The following NEDD9 variants were observed in gnomAD, a reference collection of about 807,000 sequenced individuals.
NEDD9 encodes enhancer of filamentation 1.
A neutral mutation model predicts 76.6 loss-of-function variants in NEDD9; 26 were observed. The ratio of observed to expected loss-of-function variants is 0.34; its 90% CI spans 0.25 to 0.47. The LOEUF (loss-of-function observed/expected upper bound fraction) is 0.47, where lower values mean the gene tolerates loss of function less well. Ranked by LOEUF, NEDD9 falls within the 20% of genes least tolerant of loss-of-function variation. NEDD9 has a pLI of 1.00. For missense variants in NEDD9, 937 were observed against 1,058.5 expected, an observed-to-expected ratio of 0.89 and a Z score of 1.59; for synonymous variants, 392 against 414.2, an observed-to-expected ratio of 0.95 and a Z score of 0.65.
intron 1 of NEDD9, among the ~76,000 whole-genome samples, chr6:11,362,549 T>C (rs1447226177): frequency 6.6e-6 from 1 of 152,244 alleles, no homozygotes; most frequent in Non-Finnish European, 1.5e-5. Context: ...ATAGATGCCA[T>C]TATTTGTTCT....
intron 1 of NEDD9, among the ~76,000 whole-genome samples, chr6:11,337,525 G>C (rs1156964130): frequency 6.6e-6 from 1 of 152,146 alleles, no homozygotes; most frequent in African/African-American, 2.4e-5. Context: ...TAGGTGATAG[G>C]AAATTTTCAG....
intron 2 of NEDD9, among the ~76,000 whole-genome samples, chr6:11,307,417 C>T (rs1046885816): frequency 1.3e-5 from 2 of 152,168 alleles, no homozygotes; most frequent in African/African-American, 4.8e-5. Flanking sequence ...ATTTGCTCTG[C>T]CTGAACCCAT....
chr6:11,330,155 A>T (rs772348653), intron 2 of NEDD9, among the ~76,000 whole-genome samples: 3 of 152,230 alleles, frequency 2.0e-5, no homozygotes, highest in Non-Finnish European at 4.4e-5. Context: ...CTACTCTGTT[A>T]GGCAGCACGA....
At chr6:11,331,396 A>G (rs1296312920) in intron 2 of NEDD9, among the ~76,000 whole-genome samples, 1 of 151,094 alleles carries the variant, frequency 6.6e-6, no homozygotes, top group East Asian at 2.0e-4. Flanking sequence ...GGGGGTGTGG[A>G]CAGGAAGGTA....
rs995583032 is a variant in NEDD9, at chr6:11,214,666, C to T, written c.13-939G>A. Among the ~76,000 whole-genome samples, 8 of 152,296 alleles carry T rather than the reference C, an allele frequency of 5.3e-5. No individual in the cohort carries two copies. The East Asian group carries it at 7.7e-4, about 15-fold the overall frequency. On this transcript the variant is annotated intron_variant, in intron 1 of 6. Coordinates refer to ENST00000379446, the MANE Select transcript of NEDD9 (RefSeq NM_006403.4). ...CATTCTTGGAGGCCTTTCAAAGGCT[C>T]GGAAGATTTCATTTCTTGGCATTAG...
At chr6:11,322,536 G>A (rs187758601) in intron 2 of NEDD9, among the ~76,000 whole-genome samples, 2 of 152,276 alleles carry the variant, frequency 1.3e-5, no homozygotes, top group Admixed American at 6.5e-5. Flanking sequence ...CTGCAAGGAT[G>A]AGAGAGGAAG....
chr6:11,200,378 G>A (rs777208569), intron 2 of NEDD9: 42 of 582,232 alleles, frequency 7.2e-5, no homozygotes, highest in Non-Finnish European at 1.1e-4. Flanking sequence ...CTCTCTGGAG[G>A]CAGAGAACAT....
At chr6:11,317,428 TAA>T (rs1244935045) in intron 2 of NEDD9, among the ~76,000 whole-genome samples, 1 of 138,200 alleles carries the variant, frequency 7.2e-6, no homozygotes, top group Admixed American at 7.2e-5. Flanking sequence ...AAAAATAAAT[TAA>T]AAAAAAAAAA....
At chr6:11,356,003 G>A (rs1017495277) in intron 1 of NEDD9, among the ~76,000 whole-genome samples, 2 of 152,132 alleles carry the variant, frequency 1.3e-5, no homozygotes, top group South Asian at 2.1e-4. Context: ...TTGCAGGCGT[G>A]AGCCACCATG....
chr6:11,348,353 G>A (rs983008952), intron 1 of NEDD9, among the ~76,000 whole-genome samples: 1 of 152,084 alleles, frequency 6.6e-6, no homozygotes, highest in Non-Finnish European at 1.5e-5. Flanking sequence ...TGGACATACT[G>A]CCCAAAGCAA....
chr6:11,215,678 T>G (rs1029049236), intron 1 of NEDD9, among the ~76,000 whole-genome samples: 10 of 152,220 alleles, frequency 6.6e-5, no homozygotes, highest in Non-Finnish European at 8.8e-5. Context: ...CACTCTGGCC[T>G]CTGTCTGTCC....
At position 11,370,176 on chromosome 6, in the gene NEDD9, G is replaced by T. The variant is rs912246501; in HGVS notation, c.-214+11963C>A. Among the ~76,000 whole-genome samples, 1 of 74,650 alleles carries T rather than the reference G, an allele frequency of 1.3e-5. No homozygotes were observed. The highest frequency in any genetic ancestry group is 2.6e-5 in the Non-Finnish European group (1 of 39,162). The allele number at this position is 74,650 out of a possible 152,430, so 49.0% of individuals were successfully genotyped here. A position where few individuals can be genotyped will look rare whatever the true frequency, so the allele number is the denominator to read the frequency against. On this transcript the variant is annotated intron_variant, in intron 1 of 3. Transcript: ENST00000397378. This position sits in a 1 kb window ranked among gnomAD's most constrained non-coding sequence, Gnocchi z 4.2. ...TCTCTCTGCTAAATCATGCTTGTGGGAACCCAAGGAGGCCAGCCCCTGAAT... is the reference window on the plus strand; with the variant it reads ...TCTCTCTGCTAAATCATGCTTGTGGTAACCCAAGGAGGCCAGCCCCTGAAT...
chr6:11,204,446 G>C (rs369400483), intron 2 of NEDD9, among the ~76,000 whole-genome samples: 1 of 152,192 alleles, frequency 6.6e-6, no homozygotes, highest in East Asian at 1.9e-4. Context: ...CTTAGGCCAG[G>C]CGTGGTGGCT....
rs188558452 is a variant in NEDD9, at chr6:11,290,311, C to G, written c.12+15681G>C. The stretch of plus-strand genomic sequence containing the variant: ...GATACCATCCAGACCTTCATTCCCC[C>G]CAAAGGCTGTCTCCACCTTTTAAGC... On this transcript the variant is annotated intron_variant, in intron 3 of 3. Coordinates refer to the NEDD9 transcript ENST00000397378. Among the ~76,000 whole-genome samples, 358 of 152,324 alleles carry G rather than the reference C, an allele frequency of 2.4e-3. 2 individuals carry two copies. The highest frequency in any genetic ancestry group is 3.1e-3 in the Non-Finnish European group (211 of 68,022).
chr6:11,190,063 T>G lies in NEDD9; in HGVS notation c.1806A>C (p.Ala602=). The part of the protein sequence containing the change: ...GDHKAQAHNK[A]LPPGLSKEQA... ...GCTCCTTGCTCAGGCCTGGGGGCAGTGCCTTGTTGTGGGCCTGGGCCTTGT... is the reference window on the plus strand; with the variant it reads ...GCTCCTTGCTCAGGCCTGGGGGCAGGGCCTTGTTGTGGGCCTGGGCCTTGT... Residue 602 remains alanine, a synonymous_variant, in exon 5 of 7, where the codon GCA becomes GCC. Coordinates refer to ENST00000379446, the MANE Select transcript of NEDD9 (RefSeq NM_006403.4). The surrounding 1 kb of genome is among the most constrained non-coding windows in gnomAD (Gnocchi z 5.8). The G allele has an allele frequency of 1.3e-6, 2 of 1,596,402 alleles. No homozygotes were observed. The highest frequency in any genetic ancestry group is 1.7e-6 in the Non-Finnish European group (2 of 1,170,282).
chr6:11,307,771 A>T (rs1471706977), intron 2 of NEDD9, among the ~76,000 whole-genome samples: 1 of 152,194 alleles, frequency 6.6e-6, no homozygotes, highest in Non-Finnish European at 1.5e-5. Flanking sequence ...CAAGACATAG[A>T]GTACTGCCAG....
At chr6:11,373,856 C>G (rs998894364) in intron 1 of NEDD9, among the ~76,000 whole-genome samples, 9 of 152,102 alleles carry the variant, frequency 5.9e-5, no homozygotes, top group African/African-American at 2.2e-4. Context: ...AGGTGGGCCT[C>G]CAATCAGTTG....
rs558489421 is a variant in NEDD9, at chr6:11,253,843, C to T, written c.13-40116G>A. 2.1e-4 allele frequency among the ~76,000 whole-genome samples: 32 copies of T among 152,276 alleles called. No individual in the cohort carries two copies. In the South Asian group the frequency reaches 6.4e-3, roughly 31 times the overall value. ...ATGACTCAGGCAGTGATATTATAGACAGGCAGACAAACAAGGATACAGTGA... is the reference window on the plus strand; with the variant it reads ...ATGACTCAGGCAGTGATATTATAGATAGGCAGACAAACAAGGATACAGTGA... On this transcript the variant is annotated intron_variant, in intron 3 of 3. Coordinates refer to the NEDD9 transcript ENST00000397378.
intron 2 of NEDD9, among the ~76,000 whole-genome samples, chr6:11,327,140 G>T (rs1761946001): frequency 6.6e-6 from 1 of 152,182 alleles, no homozygotes; most frequent in Admixed American, 6.5e-5. Context: ...TAGTTCTAGG[G>T]CATTAATCAT....
Sources: allele counts gnomAD v4.1 joint callset (sites outside exome capture counted in the v4.1 genomes callset), GRCh38; gene constraint gnomAD v4.1.1; non-coding constraint Gnocchi (gnomAD v3.1); transcripts MANE v1.5; gene names NCBI Gene and HGNC (gene_info 2026-07-23, HGNC 2026-07-21).